DZIP1: variants seen among roughly 807,000 people sequenced by gnomAD.
The protein encoded by DZIP1 is DAZ interacting zinc finger protein 1, also known as cilium assembly protein DZIP1.
A neutral mutation model predicts 107.6 loss-of-function variants in DZIP1; 97 were observed. That is an observed-to-expected ratio of 0.90 (90% CI 0.77 to 1.07). The LOEUF (loss-of-function observed/expected upper bound fraction) is 1.07. DZIP1 is among the 50% of genes least tolerant of loss of function. The probability of loss-of-function intolerance (pLI) is 0.00; values close to 1 mark genes in which losing one functional copy is unlikely to be tolerated. For missense variants in DZIP1, 1,035 were observed against 1,063.6 expected, an observed-to-expected ratio of 0.97 and a Z score of 0.37; for synonymous variants, 390 against 386.4, an observed-to-expected ratio of 1.01 and a Z score of -0.11.
intron 9 of DZIP1, among the ~76,000 whole-genome samples, chr13:95,620,715 G>T (rs148846192): frequency 1.3e-5 from 2 of 152,170 alleles, no homozygotes; most frequent in Admixed American, 6.5e-5. Context: ...GCAAAAGGAG[G>T]TGCTAGTTTG....
In DZIP1 at chr13:95,611,460, T is replaced by C. The variant is rs2045002540; in HGVS notation, c.1348A>G (p.Ile450Val). The C allele has an allele frequency of 1.9e-6, 3 of 1,613,802 alleles. No individual in the cohort carries two copies. The highest frequency in any genetic ancestry group is 2.2e-5 in the East Asian group (1 of 44,880). The change falls in exon 12 of 23, where the codon ATC becomes GTC. Residue 450 changes from isoleucine (I) to valine (V), a missense_variant. Coordinates refer to ENST00000376829, the MANE Select transcript of DZIP1 (RefSeq NM_198968.4). Reference protein sequence around the residue: ...KDFTCNPLNSISEPKGNPLAW... With the variant: ...KDFTCNPLNSVSEPKGNPLAW... ...ATCCACTTACCTTTGGGTTCACTGA[T>C]ACTGTTTAATGGATTACAGGTAAAG...
chr13:95,640,223 C>A (rs1159585396), intron 5 of DZIP1, among the ~76,000 whole-genome samples: 1 of 152,100 alleles, frequency 6.6e-6, no homozygotes, highest in Non-Finnish European at 1.5e-5. Context: ...GGGTCTCAAT[C>A]TCCTGACCTC....
At chr13:95,596,084 G>T (rs550899014) in intron 15 of DZIP1, among the ~76,000 whole-genome samples, 3 of 152,132 alleles carry the variant, frequency 2.0e-5, no homozygotes, top group Non-Finnish European at 2.9e-5. Context: ...GAGCACCCTT[G>T]GTAAAGATTC....
intron 13 of DZIP1, 69 bp downstream of exon 13, chr13:95,609,388 T>A: frequency 9.5e-7 from 1 of 1,053,038 alleles, no homozygotes; most frequent in Admixed American, 3.4e-5. Flanking sequence ...AAATAGTAAG[T>A]AAAAGTTATG....
At chr13:95,616,926 G>C (rs1471009068) in intron 10 of DZIP1, among the ~76,000 whole-genome samples, 1 of 152,134 alleles carries the variant, frequency 6.6e-6, no homozygotes, top group Non-Finnish European at 1.5e-5. Context: ...AGAAGTTCCA[G>C]GCCAGGCATG....
intron 21 of DZIP1, among the ~76,000 whole-genome samples, 176 bp downstream of exon 21, chr13:95,585,830 A>G (rs1471894970): frequency 1.3e-5 from 2 of 152,212 alleles, no homozygotes; most frequent in East Asian, 3.8e-4. Flanking sequence ...TATCACTCCA[A>G]TATCTTTGTC....
chr13:95,611,318 C>A (rs529344026), intron 12 of DZIP1, 127 bp downstream of exon 12: 2 of 713,244 alleles, frequency 2.8e-6, no homozygotes, highest in Non-Finnish European at 4.9e-6. Context: ...GACAGATCTA[C>A]GAAATCAATA....
At chr13:95,600,322 C>A (rs1053365538) in intron 14 of DZIP1, among the ~76,000 whole-genome samples, 3 of 152,196 alleles carry the variant, frequency 2.0e-5, no homozygotes, top group East Asian at 1.9e-4. Context: ...CACTTCCCCC[C>A]ACCAGCTCTC....
At chr13:95,620,048 C>T (rs1875632554) in intron 9 of DZIP1, 101 bp from the exon 10 acceptor site, 1 of 1,286,566 alleles carries the variant, frequency 7.8e-7, no homozygotes, top group Non-Finnish European at 1.1e-6. Context: ...ACCCAACTAT[C>T]TATCTGGTAA....
chr13:95,613,577 CA>C (rs1329862334), intron 10 of DZIP1, among the ~76,000 whole-genome samples: 1 of 151,782 alleles, frequency 6.6e-6, no homozygotes, highest in Non-Finnish European at 1.5e-5. Flanking sequence ...GAAGTGGTGA[CA>C]GGGTATCCTG....
rs1480915310 is a variant in DZIP1, at chr13:95,586,033, G to C, written c.2322C>G (p.Ile774Met). Residue 774 changes from isoleucine (I) to methionine (M), a missense_variant, in exon 21 of 23, where the codon ATC becomes ATG. Ile to Met is a conservative substitution (Grantham distance 10). Coordinates refer to ENST00000376829, the MANE Select transcript of DZIP1 (RefSeq NM_198968.4). ...TTAGTTCTTGTAATTCTTCTTTTTTGATAAACATCTCAGGGACATTAGTTC... is the reference window on the plus strand; with the variant it reads ...TTAGTTCTTGTAATTCTTCTTTTTTCATAAACATCTCAGGGACATTAGTTC... ...VGGTNVPEMF[I>M]KKEELQELKC... 1 of 1,599,396 alleles carries C rather than the reference G, an allele frequency of 6.3e-7. No individual in the cohort carries two copies. The highest frequency in any genetic ancestry group is 1.8e-5 in the Admixed American group (1 of 56,220).
rs749258801 is a variant in DZIP1, at chr13:95,578,385, G to C, written c.*3849C>G. The C allele has an allele frequency of 2.7e-4, 42 of 157,600 alleles. No homozygotes were observed. Among genetic ancestry groups the C allele is most frequent in the Non-Finnish European group, 4.2e-4 (30 of 71,824 alleles). The allele number at this position is 157,600 out of a possible 1,614,324, so 9.8% of individuals were successfully genotyped here. On this transcript the variant is annotated 3_prime_UTR_variant, in exon 23 of 23. Coordinates refer to ENST00000376829, the MANE Select transcript of DZIP1 (RefSeq NM_198968.4). ...TTATGTTTCTTTTCATTCATAAACA[G>C]GTGTATAAGGAACAATGTCTTATAA... is the stretch of plus-strand genomic sequence containing the variant.
At chr13:95,605,285 C>T (rs376476894) in intron 14 of DZIP1, among the ~76,000 whole-genome samples, 2 of 152,144 alleles carry the variant, frequency 1.3e-5, no homozygotes, top group South Asian at 2.1e-4. Context: ...GTATGTGAGA[C>T]TGGAAAAAGA....
In DZIP1 at chr13:95,589,217, C is replaced by A. The variant is rs1215484171; in HGVS notation, c.1974-10G>T. 1.3e-6 allele frequency: 2 copies of A among 1,567,086 alleles called. No individual in the cohort carries two copies. The highest frequency in any genetic ancestry group is 2.3e-5 in the East Asian group (1 of 44,370). On this transcript the variant is annotated splice_polypyrimidine_tract_variant and intron_variant, in intron 18 of 22. Coordinates refer to ENST00000376829, the MANE Select transcript of DZIP1 (RefSeq NM_198968.4). ...GACATTTTTCTTAATTCTAAAAAAA[C>A]AACAGAAAAATATTTTTAAATTGCA...
intron 19 of DZIP1, among the ~76,000 whole-genome samples, chr13:95,588,718 A>G (rs886706930): frequency 1.6e-4 from 25 of 152,358 alleles, no homozygotes; most frequent in African/African-American, 4.3e-4. Context: ...GGTTTTTAGT[A>G]TCCTAAGAGA....
At chr13:95,639,696 A>C (rs993254548) in intron 5 of DZIP1, among the ~76,000 whole-genome samples, 1 of 151,384 alleles carries the variant, frequency 6.6e-6, no homozygotes, top group Non-Finnish European at 1.5e-5. Context: ...AAAAGTTTAT[A>C]AACATACAAT....
At chr13:95,587,859 G>A in intron 19 of DZIP1, 130 bp from the exon 20 acceptor site, 1 of 1,173,384 alleles carries the variant, frequency 8.5e-7, no homozygotes, top group East Asian at 2.6e-5. Flanking sequence ...AGTGCCTTTG[G>A]GGCTATGGCC....
chr13:95,585,244 C>G (rs1344923055), intron 21 of DZIP1, among the ~76,000 whole-genome samples: 1 of 152,170 alleles, frequency 6.6e-6, no homozygotes, highest in African/African-American at 2.4e-5. Flanking sequence ...GAGGCTTGCT[C>G]TTGCTTCTTA....
chr13:95,636,128 C>T (rs1351458183), intron 5 of DZIP1, among the ~76,000 whole-genome samples: 3 of 143,626 alleles, frequency 2.1e-5, no homozygotes, highest in African/African-American at 7.8e-5. Context: ...ATAAGAGTAG[C>T]ATACATTCTA....
Sources: allele counts gnomAD v4.1 joint callset (sites outside exome capture counted in the v4.1 genomes callset), GRCh38; gene constraint gnomAD v4.1.1; transcripts MANE v1.5; gene names NCBI Gene and HGNC (gene_info 2026-07-23, HGNC 2026-07-21).